The following RBFOX1 variants were observed in gnomAD, a reference collection of about 807,000 sequenced individuals.
The protein encoded by RBFOX1 is RNA binding protein fox-1 homolog 1.
Under a neutral mutation model 57.7 loss-of-function variants are expected in RBFOX1, and 8 were observed. The ratio of observed to expected loss-of-function variants is 0.14; its 90% CI spans 0.08 to 0.25. The LOEUF (loss-of-function observed/expected upper bound fraction) is 0.25, where lower values mean the gene tolerates loss of function less well. Ranked by LOEUF, RBFOX1 falls within the 10% of genes least tolerant of loss-of-function variation. The pLI is 1.00. For synonymous variants in RBFOX1, 326 were observed against 222.4 expected, an observed-to-expected ratio of 1.47 and a Z score of -4.15; for missense variants, 611 against 548.5, an observed-to-expected ratio of 1.11 and a Z score of -1.14.
chr16:6,706,764 A>G (rs1174089941), intron 3 of RBFOX1, among the ~76,000 whole-genome samples: 4 of 150,662 alleles, frequency 2.7e-5, no homozygotes, highest in Non-Finnish European at 4.4e-5. Context: ...CTTACAAGAC[A>G]TACGGCCAGA....
intron 4 of RBFOX1, among the ~76,000 whole-genome samples, chr16:7,463,629 G>A (rs2059972321): frequency 6.6e-6 from 1 of 152,118 alleles, no homozygotes; most frequent in African/African-American, 2.4e-5. Flanking sequence ...ATGAATTAGG[G>A]GTGAGAGGAC....
chr16:7,528,296 C>G (rs934827997), intron 5 of RBFOX1, among the ~76,000 whole-genome samples: 1 of 152,132 alleles, frequency 6.6e-6, no homozygotes, highest in African/African-American at 2.4e-5. Flanking sequence ...TATTTATTGT[C>G]ATCAGTTTAC....
intron 4 of RBFOX1, among the ~76,000 whole-genome samples, chr16:7,412,107 G>C (rs1243882467): frequency 2.0e-5 from 3 of 152,026 alleles, no homozygotes; most frequent in Non-Finnish European, 2.9e-5. Flanking sequence ...CCTTAGTTGT[G>C]AACATGTACC....
At chr16:5,412,566 G>A (rs754918308) in intron 1 of RBFOX1, among the ~76,000 whole-genome samples, 18 of 152,166 alleles carry the variant, frequency 1.2e-4, no homozygotes, top group Non-Finnish European at 2.4e-4. Flanking sequence ...AGTGGGATGG[G>A]CGTGAAGACT....
intron 3 of RBFOX1, among the ~76,000 whole-genome samples, chr16:5,683,483 C>T (rs1182380083): frequency 6.6e-6 from 1 of 151,888 alleles, no homozygotes; most frequent in Admixed American, 6.6e-5. Flanking sequence ...CGCAGATCCA[C>T]CCTGAATCTG....
Position 5,947,775 on chromosome 16 carries a change from G to C in RBFOX1, c.351+80440G>C, listed in dbSNP as rs2059432988. On this transcript the variant is annotated intron_variant, in intron 4 of 19. Transcript: ENST00000641259. The surrounding 1 kb of genome is among the most constrained non-coding windows in gnomAD (Gnocchi z 7.2). ...GGGGTGTCTCCACCTAACAGTGCAA[G>C]GATACAGCTGCCCTTGGTATTCTTC... 6.6e-6 allele frequency among the ~76,000 whole-genome samples: 1 copy of C among 152,170 alleles called. No individual in the cohort carries two copies. Among genetic ancestry groups the C allele is most frequent in the African/African-American group, 2.4e-5 (1 of 41,446 alleles).
chr16:7,500,263 C>G (rs1451121501), intron 4 of RBFOX1, among the ~76,000 whole-genome samples: 3 of 152,182 alleles, frequency 2.0e-5, no homozygotes, highest in Non-Finnish European at 4.4e-5. Context: ...TGGCTCTTCA[C>G]TTGCCAAGAT....
chr16:7,247,776 AG>A, intron 4 of RBFOX1, among the ~76,000 whole-genome samples: 1 of 152,176 alleles, frequency 6.6e-6, no homozygotes, highest in East Asian at 1.9e-4. Flanking sequence ...CTGTTCATCT[AG>A]GTATTTTAAA....
intron 4 of RBFOX1, among the ~76,000 whole-genome samples, chr16:7,079,261 C>T (rs1471830502): frequency 1.3e-5 from 2 of 152,202 alleles, no homozygotes; most frequent in South Asian, 2.1e-4. Context: ...ATACATCTGG[C>T]TCTGCCCCAA....
chr16:6,663,250 A>T (rs942191424), intron 3 of RBFOX1, among the ~76,000 whole-genome samples: 1 of 152,198 alleles, frequency 6.6e-6, no homozygotes, highest in Non-Finnish European at 1.5e-5. Flanking sequence ...GAATGTCTCC[A>T]CCCAGGAACT....
intron 4 of RBFOX1, among the ~76,000 whole-genome samples, chr16:7,292,531 TACACACAC>T (rs35731542): frequency 1.4e-5 from 2 of 139,062 alleles, no homozygotes; most frequent in Non-Finnish European, 3.1e-5. Flanking sequence ...ACTATATGTA[TACACACAC>T]ACACACACAC....
At chr16:7,661,682 T>G (rs1166208534) in intron 12 of RBFOX1, among the ~76,000 whole-genome samples, 2 of 152,220 alleles carry the variant, frequency 1.3e-5, no homozygotes, top group African/African-American at 2.4e-5. Flanking sequence ...GAGGGGGCTT[T>G]CTTCTTCGGT....
intron 1 of RBFOX1, among the ~76,000 whole-genome samples, chr16:6,031,322 G>A (rs1351900733): frequency 1.3e-5 from 2 of 152,150 alleles, no homozygotes; most frequent in African/African-American, 4.8e-5. Flanking sequence ...TGCCTGGGGT[G>A]GTGAGAGCAA....
chr16:5,757,654 G>T (rs2053448448), intron 3 of RBFOX1, among the ~76,000 whole-genome samples: 2 of 152,112 alleles, frequency 1.3e-5, no homozygotes, highest in Non-Finnish European at 2.9e-5. Context: ...GAGGAAATGA[G>T]TTTTGTTGGA....
At chr16:5,900,771 A>C (rs2058287313) in intron 4 of RBFOX1, among the ~76,000 whole-genome samples, 1 of 152,142 alleles carries the variant, frequency 6.6e-6, no homozygotes, top group South Asian at 2.1e-4. Flanking sequence ...AGGAATGTCA[A>C]ATTAGCCTCC....
intron 5 of RBFOX1, among the ~76,000 whole-genome samples, chr16:7,551,088 CAAAAAAA>C (rs539169022): frequency 0.012 from 925 of 76,744 alleles, 13 homozygotes; most frequent in Non-Finnish European, 0.014. Context: ...GAGCGAGACT[CAAAAAAA>C]AAAAAAAAAA....
At chr16:6,291,615 G>A (rs1341314841) in intron 1 of RBFOX1, among the ~76,000 whole-genome samples, 1 of 152,150 alleles carries the variant, frequency 6.6e-6, no homozygotes, top group East Asian at 1.9e-4. Context: ...TTGCCCGCCT[G>A]AGGCAAATGC....
chr16:5,432,546 T>G (rs1028918903), intron 1 of RBFOX1, among the ~76,000 whole-genome samples: 3 of 136,864 alleles, frequency 2.2e-5, no homozygotes, highest in African/African-American at 9.1e-5. Context: ...AGTTTTTTTT[T>G]TTTTGTTTGT....
At chr16:7,292,294 TGATATATGATATATGA>T (rs2095802107) in intron 4 of RBFOX1, among the ~76,000 whole-genome samples, 1 of 129,490 alleles carries the variant, frequency 7.7e-6, no homozygotes, top group African/African-American at 3.0e-5. Flanking sequence ...ATATCATATA[TGATATATGATATATGA>T]CGTATTATAT....
Sources: allele counts gnomAD v4.1 joint callset (sites outside exome capture counted in the v4.1 genomes callset), GRCh38; gene constraint gnomAD v4.1.1; non-coding constraint Gnocchi (gnomAD v3.1); transcripts MANE v1.5; gene names NCBI Gene and HGNC (gene_info 2026-07-23, HGNC 2026-07-21).